Variants in PDE4D observed in about 807,000 individuals in gnomAD.
The protein encoded by PDE4D is phosphodiesterase 4D, also known as 3',5'-cyclic-AMP phosphodiesterase 4D.
PDE4D carries 24 observed loss-of-function variants against 87.4 expected under a neutral mutation model. That is an observed-to-expected ratio of 0.27 (90% CI 0.20 to 0.39). PDE4D has a LOEUF of 0.39. PDE4D is among the 10% of genes least tolerant of loss of function. The pLI is 1.00. For synonymous variants in PDE4D, 384 were observed against 383.2 expected (o/e 1.00, Z -0.02); for missense variants, 714 against 1,041.0 (o/e 0.69, Z 4.32).
In PDE4D at chr5:60,178,889, G is replaced by A. The variant is rs142895521; in HGVS notation, c.42+6668C>T. 6.4e-4 allele frequency among the ~76,000 whole-genome samples: 97 copies of A among 152,184 alleles called. 1 individual carries two copies. In the East Asian group the frequency reaches 0.016, roughly 25 times the overall value. ...TGTGTTAACTCTCTGAACTGCTGGGGTACCATTTGGTATACAGTTCCGTGG... is the reference window on the plus strand; with the variant it reads ...TGTGTTAACTCTCTGAACTGCTGGGATACCATTTGGTATACAGTTCCGTGG... On this transcript the variant is annotated intron_variant, in intron 2 of 16. Transcript: ENST00000502484.
chr5:60,080,584 A>C (rs796687417), intron 2 of PDE4D, among the ~76,000 whole-genome samples: 10 of 152,204 alleles, frequency 6.6e-5, no homozygotes, highest in African/African-American at 2.4e-4. Context: ...TGAGTTTTTA[A>C]CATGAAGGGA....
At chr5:60,481,681 AAAGC>A (rs1167402391) in intron 1 of PDE4D, among the ~76,000 whole-genome samples, 1 of 152,208 alleles carries the variant, frequency 6.6e-6, no homozygotes, top group African/African-American at 2.4e-5. Context: ...ATAAAACTAC[AAAGC>A]AAGGGATTCA....
At chr5:59,353,149 C>T (rs1045606456) in intron 1 of PDE4D, among the ~76,000 whole-genome samples, 5 of 152,120 alleles carry the variant, frequency 3.3e-5, no homozygotes, top group African/African-American at 1.2e-4. Context: ...CTTTTAACAT[C>T]CTTGTGATTT....
intron 1 of PDE4D, among the ~76,000 whole-genome samples, chr5:59,440,684 G>A (rs1024044011): frequency 6.6e-6 from 1 of 152,184 alleles, no homozygotes; most frequent in African/African-American, 2.4e-5. Context: ...GCTGAGGCAG[G>A]AGAATTGCTT....
chr5:60,517,591 T>C (rs892914968), intron 1 of PDE4D, among the ~76,000 whole-genome samples: 5 of 152,160 alleles, frequency 3.3e-5, no homozygotes, highest in African/African-American at 1.2e-4. Flanking sequence ...TTCTCTCTCC[T>C]GAGAGCTGCA....
intron 1 of PDE4D, among the ~76,000 whole-genome samples, chr5:60,390,244 G>A (rs1420935434): frequency 6.6e-6 from 1 of 152,136 alleles, no homozygotes; most frequent in African/African-American, 2.4e-5. Context: ...AGCTTTAGGG[G>A]GATAGTGGTG....
At chr5:59,499,378 C>T (rs1479808917) in intron 1 of PDE4D, among the ~76,000 whole-genome samples, 1 of 134,786 alleles carries the variant, frequency 7.4e-6, no homozygotes, top group Non-Finnish European at 1.6e-5. Flanking sequence ...AAAACAAGAA[C>T]AAAACTAAAC....
At chr5:59,693,880 C>T (rs1280004336) in intron 1 of PDE4D, among the ~76,000 whole-genome samples, 1 of 152,030 alleles carries the variant, frequency 6.6e-6, no homozygotes, top group Non-Finnish European at 1.5e-5. Flanking sequence ...GGATTTATAC[C>T]TCCATTCTAC....
chr5:60,137,453 A>G (rs949104445), intron 2 of PDE4D, among the ~76,000 whole-genome samples: 2 of 152,104 alleles, frequency 1.3e-5, no homozygotes, highest in African/African-American at 2.4e-5. Context: ...CATAAGCAGC[A>G]TCTGTTGTTT....
intron 1 of PDE4D, among the ~76,000 whole-genome samples, chr5:59,650,066 T>G (rs1162070264): frequency 1.3e-5 from 2 of 151,824 alleles, no homozygotes; most frequent in Non-Finnish European, 2.9e-5. Context: ...TTGTTTTCAA[T>G]GTACAAAAGG....
intron 2 of PDE4D, among the ~76,000 whole-genome samples, chr5:60,011,567 T>C (rs903670520): frequency 1.3e-5 from 2 of 152,196 alleles, no homozygotes; most frequent in Admixed American, 6.6e-5. Flanking sequence ...AAAGTTTTTA[T>C]TAAGCCCTGT....
intron 1 of PDE4D, among the ~76,000 whole-genome samples, chr5:59,241,473 A>G (rs1013375249): frequency 3.3e-5 from 5 of 152,218 alleles, no homozygotes; most frequent in Non-Finnish European, 4.4e-5. Flanking sequence ...CATATTCTTT[A>G]CAAAGTTCTA....
intron 1 of PDE4D, among the ~76,000 whole-genome samples, chr5:59,618,053 C>G (rs1368035068): frequency 6.6e-6 from 1 of 151,720 alleles, no homozygotes; most frequent in Non-Finnish European, 1.5e-5. Context: ...CATTTCATTC[C>G]TTCAACAATC....
chr5:59,193,329 A>G (rs544723006), intron 3 of PDE4D, among the ~76,000 whole-genome samples, 171 bp downstream of exon 3: 4 of 152,352 alleles, frequency 2.6e-5, no homozygotes, highest in South Asian at 4.1e-4. Flanking sequence ...AGATTAATAT[A>G]GCCAAAGTCA....
Position 58,972,475 on chromosome 5 carries a change from G to C in PDE4D, c.*2189C>G, listed in dbSNP as rs1290347480. ...CAGCTAGATCTCAGGGGACTGAAAT[G>C]GGGACTCTCTTCAGCATGAGTCATT... On this transcript the variant is annotated 3_prime_UTR_variant, in exon 15 of 15. Coordinates refer to ENST00000340635, the MANE Select transcript of PDE4D (RefSeq NM_001104631.2). The C allele has an allele frequency of 2.6e-5, 4 of 152,314 alleles. No individual in the cohort carries two copies. Among genetic ancestry groups the C allele is most frequent in the Non-Finnish European group, 5.9e-5 (4 of 68,020 alleles). The allele number at this position is 152,314 out of a possible 1,614,324, so 9.4% of individuals were successfully genotyped here. A position where few individuals can be genotyped will look rare whatever the true frequency, so the allele number is the denominator to read the frequency against.
chr5:59,302,119 C>T (rs937815466), intron 1 of PDE4D, among the ~76,000 whole-genome samples: 1 of 152,122 alleles, frequency 6.6e-6, no homozygotes, highest in Non-Finnish European at 1.5e-5. Context: ...GGAGAGCATA[C>T]ACACAACTTC....
intron 3 of PDE4D, among the ~76,000 whole-genome samples, chr5:59,900,395 CAT>C (rs1426700202): frequency 3.3e-5 from 5 of 151,804 alleles, no homozygotes; most frequent in African/African-American, 4.8e-5. Flanking sequence ...AAAATTAAAA[CAT>C]GGGTAGGAGA....
In PDE4D at chr5:59,874,053, A is replaced by T. The variant is rs571734663; in HGVS notation, c.455+19115T>A. Among the ~76,000 whole-genome samples the T allele has an allele frequency of 1.7e-3, 257 of 151,774 alleles. 1 individual carries two copies. The highest frequency in any genetic ancestry group is 0.01 in the Middle Eastern group (3 of 294). On this transcript the variant is annotated intron_variant, in intron 1 of 14. Coordinates refer to ENST00000340635, the MANE Select transcript of PDE4D (RefSeq NM_001104631.2). ...GGTGATACCTTGTCTCTACAGAAAAATTTTTTTTTAAAAAAATGGCCGAGT... is the reference window on the plus strand; with the variant it reads ...GGTGATACCTTGTCTCTACAGAAAATTTTTTTTTTAAAAAAATGGCCGAGT...
intron 1 of PDE4D, among the ~76,000 whole-genome samples, chr5:59,837,987 G>A (rs958203020): frequency 2.0e-5 from 3 of 152,044 alleles, no homozygotes; most frequent in African/African-American, 7.2e-5. Flanking sequence ...CAGTAATGAT[G>A]ACAATTTGTT....
Sources: gnomAD v4.1 joint callset for allele counts (sites outside exome capture counted in the v4.1 genomes callset) on GRCh38, gnomAD v4.1.1 for gene constraint, MANE v1.5 for transcripts, NCBI Gene and HGNC (gene_info 2026-07-23, HGNC 2026-07-21) for gene names.